The following FAM222B variants were observed in gnomAD, a reference collection of about 807,000 sequenced individuals.
The protein encoded by FAM222B is family with sequence similarity 222 member B.
In FAM222B, 12 loss-of-function variants were observed where a neutral mutation model predicts 38.0. The observed-to-expected ratio is 0.32, with a 90% CI of 0.20 to 0.51. The LOEUF is 0.51. Among genes scored for constraint, FAM222B ranks in the 20% least tolerant of loss-of-function variants. FAM222B has a pLI of 0.97. For missense variants in FAM222B, 716 were observed against 754.2 expected, an observed-to-expected ratio of 0.95 and a Z score of 0.59; for synonymous variants, 329 against 317.2, an observed-to-expected ratio of 1.04 and a Z score of -0.40.
In FAM222B at chr17:28,792,032, C is replaced by G. The variant is rs1355409474; in HGVS notation, c.-40-25325G>C. ...TCTAAAAAAATTAGCCAGGTGTAGG[C>G]CAGGCGCAGTGGCTCACGCCTGTAA... On this transcript the variant is annotated intron_variant, in intron 1 of 2. Transcript: ENST00000581407. Among the ~76,000 whole-genome samples, 8 of 151,640 alleles carry G rather than the reference C, an allele frequency of 5.3e-5. No individual in the cohort carries two copies. The East Asian group carries it at 1.6e-3, about 30-fold the overall frequency.
chr17:28,845,061 C>T (rs570515845), upstream of FAM222B, among the ~76,000 whole-genome samples: 1 of 151,750 alleles, frequency 6.6e-6, no homozygotes, highest in African/African-American at 2.4e-5. Flanking sequence ...GAGATCGCAC[C>T]ACTGCACTCC....
In FAM222B at chr17:28,758,496, G is replaced by A. The variant is rs1555568491; in HGVS notation, c.1463C>T (p.Ala488Val). ...TCGGTAGTGGGCCCCGGGAGCTGCCGCACAGTCGAGGGGTGCACCTGTGGG... is the reference window on the plus strand; with the variant it reads ...TCGGTAGTGGGCCCCGGGAGCTGCCACACAGTCGAGGGGTGCACCTGTGGG... ...GQPTGAPLDC[A>V]AAPGAHYRAG... The change falls in exon 3 of 3, where the codon GCG becomes GTG. Residue 488 changes from alanine to valine, a missense_variant. Ala to Val is a moderately conservative substitution (Grantham distance 64). Transcript: ENST00000581407. 6 of 1,612,280 alleles carry A rather than the reference G, an allele frequency of 3.7e-6. No individual in the cohort carries two copies. The highest frequency in any genetic ancestry group is 4.5e-5 in the East Asian group (2 of 44,894).
At chr17:28,815,904 T>G (rs1419319887) in intron 1 of FAM222B, among the ~76,000 whole-genome samples, 2 of 151,286 alleles carry the variant, frequency 1.3e-5, no homozygotes, top group Non-Finnish European at 2.9e-5. Flanking sequence ...GAGGCGCAGG[T>G]TGCAGTGAGC....
intron 2 of FAM222B, 133 bp downstream of exon 2, chr17:28,766,453 G>A (rs1425009719): frequency 2.4e-5 from 17 of 707,716 alleles, no homozygotes; most frequent in African/African-American, 5.6e-5. Flanking sequence ...GCAAGACTTC[G>A]TCTTAAAAAA....
chr17:28,794,987 G>C lies in FAM222B; in HGVS notation c.-40-28280C>G, dbSNP rs560454897. Among the ~76,000 whole-genome samples, 4 of 152,050 alleles carry C rather than the reference G, an allele frequency of 2.6e-5. No homozygotes were observed. The South Asian group carries it at 8.3e-4, about 32-fold the overall frequency. ...ACGCGCCTGTAATCCCAGGTACTTG[G>C]GAGGCTGAGGCAGGAGAATCACGTG... is the stretch of plus-strand genomic sequence containing the variant. On this transcript the variant is annotated intron_variant, in intron 1 of 2. Coordinates refer to ENST00000581407, the MANE Select transcript of FAM222B (RefSeq NM_001077498.3).
intron 1 of FAM222B, among the ~76,000 whole-genome samples, chr17:28,770,722 C>T (rs1187685336): frequency 6.6e-6 from 1 of 152,130 alleles, no homozygotes; most frequent in Non-Finnish European, 1.5e-5. Flanking sequence ...AGGCGCCCGC[C>T]ATCATGCCCG....
chr17:28,818,871 T>G (rs1276268464), intron 1 of FAM222B, among the ~76,000 whole-genome samples: 1 of 152,248 alleles, frequency 6.6e-6, no homozygotes, highest in African/African-American at 2.4e-5. Flanking sequence ...AGCAAACTTG[T>G]GAATCGAGCA....
At chr17:28,799,951 T>A (rs1304522312) in intron 1 of FAM222B, among the ~76,000 whole-genome samples, 2 of 151,662 alleles carry the variant, frequency 1.3e-5, no homozygotes, top group African/African-American at 2.4e-5. Flanking sequence ...AATGCAAACT[T>A]CCACACATAC....
chr17:28,822,991 G>A (rs902365748), intron 1 of FAM222B, among the ~76,000 whole-genome samples: 4 of 148,810 alleles, frequency 2.7e-5, no homozygotes, highest in Admixed American at 6.8e-5. Flanking sequence ...TCGGGGCAGA[G>A]GTTGCAGTGA....
chr17:28,836,629 G>A (rs1473302235), intron 1 of FAM222B, among the ~76,000 whole-genome samples: 1 of 152,032 alleles, frequency 6.6e-6, no homozygotes, highest in Non-Finnish European at 1.5e-5. Context: ...TACGTGACTG[G>A]GGGCTGCATG....
At chr17:28,808,967 T>C (rs148349542) in intron 1 of FAM222B, among the ~76,000 whole-genome samples, 42 of 152,316 alleles carry the variant, frequency 2.8e-4, no homozygotes, top group African/African-American at 1.0e-3. Flanking sequence ...CATTTTATAC[T>C]TCTGATGTGA....
upstream of FAM222B, among the ~76,000 whole-genome samples, chr17:28,847,082 G>A (rs546498015): frequency 1.3e-5 from 2 of 151,760 alleles, no homozygotes; most frequent in African/African-American, 4.8e-5. Context: ...AATTAGCCGG[G>A]CATGGTGGAA....
intron 1 of FAM222B, among the ~76,000 whole-genome samples, chr17:28,838,175 G>C (rs1206491108): frequency 7.4e-6 from 1 of 135,928 alleles, no homozygotes; most frequent in African/African-American, 2.5e-5. Flanking sequence ...TGAAGCAGGA[G>C]AACTGCTTGA....
intron 1 of FAM222B, among the ~76,000 whole-genome samples, chr17:28,772,197 T>G (rs952117986): frequency 6.6e-6 from 1 of 152,210 alleles, no homozygotes; most frequent in Admixed American, 6.5e-5. Flanking sequence ...TCAGTGGTCT[T>G]GCAGATATCA....
At chr17:28,790,061 T>A (rs2036595029) in intron 1 of FAM222B, among the ~76,000 whole-genome samples, 1 of 152,226 alleles carries the variant, frequency 6.6e-6, no homozygotes, top group Non-Finnish European at 1.5e-5. Context: ...TGGGCATTTT[T>A]ATGATTAAAC....
At position 28,798,952 on chromosome 17, in the gene FAM222B, G is replaced by C. The variant is rs1005766783; in HGVS notation, c.-40-32245C>G. 2.0e-5 allele frequency among the ~76,000 whole-genome samples: 3 copies of C among 148,006 alleles called. No homozygotes were observed. The South Asian group carries it at 6.5e-4, about 32-fold the overall frequency. ...TTAATAAAAAGCAATTTATCAACTT[G>C]TTTTCAAGAATGGAATCCTGTTGTT... On this transcript the variant is annotated intron_variant, in intron 1 of 2. Coordinates refer to ENST00000581407, the MANE Select transcript of FAM222B (RefSeq NM_001077498.3).
chr17:28,847,702 CAGG>C (rs2039154659), upstream of FAM222B, among the ~76,000 whole-genome samples: 1 of 151,940 alleles, frequency 6.6e-6, no homozygotes. Context: ...ATCACGAGGT[CAGG>C]AGATCGAGAC....
At chr17:28,797,535 G>GT (rs1230183806) in intron 1 of FAM222B, among the ~76,000 whole-genome samples, 1 of 152,044 alleles carries the variant, frequency 6.6e-6, no homozygotes, top group African/African-American at 2.4e-5. Context: ...ATGGAAAAGG[G>GT]TTTTTTTCAG....
intron 1 of FAM222B, among the ~76,000 whole-genome samples, chr17:28,770,712 A>C (rs2035586379): frequency 6.6e-6 from 1 of 151,846 alleles, no homozygotes; most frequent in Non-Finnish European, 1.5e-5. Context: ...CTGGGACTAC[A>C]GGCGCCCGCC....
Sources: gnomAD v4.1 joint callset for allele counts (sites outside exome capture counted in the v4.1 genomes callset) on GRCh38, gnomAD v4.1.1 for gene constraint, MANE v1.5 for transcripts, NCBI Gene and HGNC (gene_info 2026-07-23, HGNC 2026-07-21) for gene names.